PISD: variants seen among roughly 807,000 people sequenced by gnomAD.
The protein encoded by PISD is phosphatidylserine decarboxylase.
PISD carries 31 observed loss-of-function variants against 43.5 expected under a neutral mutation model. The observed-to-expected ratio is 0.71, with a 90% CI of 0.54 to 0.96. The LOEUF (loss-of-function observed/expected upper bound fraction) is 0.96, where lower values mean the gene tolerates loss of function less well. Among genes scored for constraint, PISD ranks in the 40% least tolerant of loss-of-function variants. The pLI is 0.00. For missense variants in PISD, 523 were observed against 548.4 expected (o/e 0.95, Z 0.46); for synonymous variants, 259 against 228.7 (o/e 1.13, Z -1.20).
At chr22:31,624,712 GACACACACACACACACACACACACACAC>G (rs55946723) in intron 3 of PISD, among the ~76,000 whole-genome samples, 15 of 111,990 alleles carry the variant, frequency 1.3e-4, no homozygotes, top group African/African-American at 5.0e-4. Flanking sequence ...AGCAAAGGTG[GACACACACACACACACACACACACACAC>G]ACACACACAC....
intron 3 of PISD, among the ~76,000 whole-genome samples, chr22:31,626,671 C>T (rs2072927304): frequency 6.6e-6 from 1 of 152,230 alleles, no homozygotes; most frequent in Admixed American, 6.5e-5. Flanking sequence ...TCCATCGTTG[C>T]TTCAGAAAAG....
Position 31,618,640 on chromosome 22 carries a change from T to G in PISD, c.*972A>C. 2.3e-6 allele frequency: 1 copy of G among 436,688 alleles called. No homozygotes were observed. The highest frequency in any genetic ancestry group is 3.9e-6 in the Non-Finnish European group (1 of 255,196). 27.1% of individuals were successfully genotyped at this position (436,688 alleles called of 1,614,324 possible). On this transcript the variant is annotated 3_prime_UTR_variant, in exon 8 of 8. Transcript: ENST00000439502. ...TCTCCTGCAGGAGAAATTCACAGCA[T>G]CCCCAGGGTCAACATGAAATCTGGC...
chr22:31,652,588 C>T (rs1016326319), intron 1 of PISD, among the ~76,000 whole-genome samples: 2 of 151,718 alleles, frequency 1.3e-5, no homozygotes, highest in Non-Finnish European at 2.9e-5. Flanking sequence ...GGGTGGATCA[C>T]TTGAGGTCAG....
rs367554468 is a variant in PISD, at chr22:31,625,746, G to T, written c.322-3861C>A. ...GCGGGGAACCGTGGGGTTAGGGCGC[G>T]GTGGGCAGCATCTCACCATTTCGCC... On this transcript the variant is annotated intron_variant, in intron 3 of 7. Coordinates refer to ENST00000439502, the MANE Select transcript of PISD (RefSeq NM_001326411.2). 8.3e-6 allele frequency: 13 copies of T among 1,574,086 alleles called. No homozygotes were observed. The South Asian group carries it at 1.4e-4, about 17-fold the overall frequency.
chr22:31,623,827 G>C, intron 3 of PISD: 2 of 1,613,702 alleles, frequency 1.2e-6, no homozygotes, highest in Non-Finnish European at 1.7e-6. Flanking sequence ...CTCCGCCTCA[G>C]GGCCAGCTGG....
At chr22:31,624,001 C>G in intron 3 of PISD, 1 of 675,010 alleles carries the variant, frequency 1.5e-6, no homozygotes, top group Non-Finnish European at 2.5e-6. Context: ...CCAGCAAGCA[C>G]TGGCTGTGCC....
intron 3 of PISD, among the ~76,000 whole-genome samples, chr22:31,623,375 C>T (rs1015732977): frequency 6.6e-6 from 1 of 152,204 alleles, no homozygotes; most frequent in Non-Finnish European, 1.5e-5. Context: ...AAATCAGAGA[C>T]AGACACCATT....
Position 31,619,670 on chromosome 22 carries a change from T to C in PISD, c.1172A>G (p.Asn391Ser), listed in dbSNP as rs1338409512. 1 of 1,614,194 alleles carries C rather than the reference T, an allele frequency of 6.2e-7. No homozygotes were observed. The highest frequency in any genetic ancestry group is 8.5e-7 in the Non-Finnish European group (1 of 1,180,028). Residue 391 changes from asparagine (N) to serine (S), a missense_variant, in exon 8 of 8, where the codon AAT (asparagine) becomes AGT (serine). Asn to Ser is a conservative substitution (Grantham distance 46). Coordinates refer to ENST00000439502, the MANE Select transcript of PISD (RefSeq NM_001326411.2). ...TTTCTGTCCTGTTTTCAGCTGGAAA[T>C]TGAAGTCCTTGGGGGCCTCGAAGAT... is the stretch of plus-strand genomic sequence containing the variant. ...VLIFEAPKDFNFQLKTGQKIR... is the reference protein window; with the variant it reads ...VLIFEAPKDFSFQLKTGQKIR...
intron 3 of PISD, among the ~76,000 whole-genome samples, chr22:31,643,620 C>T (rs965484591): frequency 2.0e-5 from 3 of 152,086 alleles, no homozygotes; most frequent in African/African-American, 7.2e-5. Flanking sequence ...AAACAAAAAC[C>T]TAAAACTGGC....
At position 31,620,619 on chromosome 22, in the gene PISD, A is replaced by G; in HGVS notation, c.939T>C (p.His313=). 6.2e-7 allele frequency: 1 copy of G among 1,614,234 alleles called. No individual in the cohort carries two copies. The highest frequency in any genetic ancestry group is 8.5e-7 in the Non-Finnish European group (1 of 1,180,038). ...CCACAGCTGTCAGTGAGAAGAAGCC[A>G]TGTTTCCAGTCCCCCGTCAGGACCA... The part of the protein sequence containing the change: ...ERVVLTGDWK[H]GFFSLTAVGA... Residue 313 remains histidine (H), a synonymous_variant, in exon 7 of 8, where the codon CAT becomes CAC. Transcript: ENST00000439502.
chr22:31,620,976 C>A lies in PISD; in HGVS notation c.844+20G>T, dbSNP rs763673248. ...TGAAGCCCACAGAGGCAGCTCCCCC[C>A]ACGCTGGCCCCGGGCTGACCTGGGA... On this transcript the variant is annotated intron_variant, in intron 6 of 7. Coordinates refer to ENST00000439502, the MANE Select transcript of PISD (RefSeq NM_001326411.2). 76 of 1,598,928 alleles carry A rather than the reference C, an allele frequency of 4.8e-5. No individual in the cohort carries two copies. The highest frequency in any genetic ancestry group is 1.7e-4 in the Middle Eastern group (1 of 5,806).
Position 31,619,431 on chromosome 22 carries a change from G to C in PISD, c.*181C>G, listed in dbSNP as rs16989329. ...GTTGAGGGGCATGATGGGGGCTCTC[G>C]CCACCTCTTGTCTGCACCTCTGGAA... On this transcript the variant is annotated 3_prime_UTR_variant, in exon 8 of 8. Transcript: ENST00000439502. The C allele has an allele frequency of 2.9e-6, 2 of 685,142 alleles. No homozygotes were observed. The highest frequency in any genetic ancestry group is 5.3e-6 in the Non-Finnish European group (2 of 374,698). 42.4% of individuals were successfully genotyped at this position (685,142 alleles called of 1,614,324 possible).
At chr22:31,633,443 C>T (rs940127009) in intron 3 of PISD, among the ~76,000 whole-genome samples, 2 of 152,188 alleles carry the variant, frequency 1.3e-5, no homozygotes, top group Non-Finnish European at 2.9e-5. Flanking sequence ...CCACCAGGCG[C>T]GGTGGCTCAT....
intron 2 of PISD, among the ~76,000 whole-genome samples, chr22:31,649,463 G>A (rs73162112): frequency 0.055 from 8,341 of 152,254 alleles, 213 homozygotes; most frequent in Non-Finnish European, 0.065. Flanking sequence ...GCTGGGCATG[G>A]TGGCTCAGGC....
intron 3 of PISD, among the ~76,000 whole-genome samples, chr22:31,624,865 C>T (rs542910338): frequency 2.8e-4 from 42 of 152,138 alleles, no homozygotes; most frequent in Non-Finnish European, 5.6e-4. Flanking sequence ...TCACCAGAGC[C>T]GCAGAGGCTG....
intron 1 of PISD, among the ~76,000 whole-genome samples, chr22:31,652,812 G>T (rs1030755338): frequency 6.6e-6 from 1 of 151,766 alleles, no homozygotes; most frequent in Non-Finnish European, 1.5e-5. Context: ...GCTGAGGTGG[G>T]AGGATTGCTT....
rs949222168 is a variant in PISD at position 31,662,041 on chromosome 22, G to A, written c.65+103C>T. ...TGAAGGTGGCTCCGTCTCCACCCGA[G>A]CTCGCCTCAGAGCGAGCCCGCGACA... On this transcript the variant is annotated intron_variant, in intron 1 of 7. Transcript: ENST00000439502. 1.9e-5 allele frequency: 20 copies of A among 1,058,724 alleles called. No homozygotes were observed. In the African/African-American group the frequency reaches 2.5e-4, roughly 13 times the overall value. The allele number at this position is 1,058,724 out of a possible 1,614,324, so 65.6% of individuals were successfully genotyped here.
At chr22:31,628,096 C>G in intron 3 of PISD, 1 of 985,532 alleles carries the variant, frequency 1.0e-6, no homozygotes, top group South Asian at 4.7e-5. Context: ...GCGCCGAGAC[C>G]AGGGTGTCAG....
chr22:31,652,918 A>G (rs1193065546), intron 1 of PISD, among the ~76,000 whole-genome samples: 3 of 151,836 alleles, frequency 2.0e-5, no homozygotes, highest in Non-Finnish European at 4.4e-5. Flanking sequence ...ATGTGCCTGT[A>G]GTCCTACCTA....
Sources: gnomAD v4.1 joint callset for allele counts (sites outside exome capture counted in the v4.1 genomes callset) on GRCh38, gnomAD v4.1.1 for gene constraint, MANE v1.5 for transcripts, NCBI Gene and HGNC (gene_info 2026-07-23, HGNC 2026-07-21) for gene names.